Variants in DIS3L2 observed in about 807,000 individuals in gnomAD.
DIS3L2 encodes the protein DIS3-like exonuclease 2.
Under a neutral mutation model 97.5 loss-of-function variants are expected in DIS3L2, and 34 were observed. The ratio of observed to expected loss-of-function variants is 0.35; its 90% confidence interval spans 0.27 to 0.46. The LOEUF is 0.46. Ranked by LOEUF, DIS3L2 falls within the 20% of genes least tolerant of loss-of-function variation. DIS3L2 has a pLI of 1.00. For synonymous variants in DIS3L2, 435 were observed against 445.2 expected (o/e 0.98, Z 0.29); for missense variants, 1,038 against 1,146.0 (o/e 0.91, Z 1.36).
intron 5 of DIS3L2, among the ~76,000 whole-genome samples, chr2:232,073,904 A>G (rs1696109352): frequency 6.6e-6 from 1 of 152,218 alleles, no homozygotes; most frequent in African/African-American, 2.4e-5. Context: ...CGTAGACGAG[A>G]TTTCCAGCTT....
At position 232,300,033 on chromosome 2, in the gene DIS3L2, T is replaced by C. The variant is rs1553546465; in HGVS notation, c.1660-7T>C. 1 of 1,612,946 alleles carries C rather than the reference T, an allele frequency of 6.2e-7. No homozygotes were observed. The highest frequency in any genetic ancestry group is 1.1e-5 in the South Asian group (1 of 91,062). On this transcript the variant is annotated splice_region_variant and splice_polypyrimidine_tract_variant and intron_variant, in intron 13 of 20. Coordinates refer to ENST00000325385, the MANE Select transcript of DIS3L2 (RefSeq NM_152383.5). ...AAAACTTCTTTTTCTCTTCTCTCTC[T>C]CTTCAGCTAAAGCTTGCTTTCACTC...
chr2:231,995,212 T>C (rs1055563163), intron 1 of DIS3L2, among the ~76,000 whole-genome samples: 2 of 152,240 alleles, frequency 1.3e-5, no homozygotes, highest in Non-Finnish European at 2.9e-5. Context: ...TCTTTCCTTA[T>C]GTGCTTTGTA....
In DIS3L2 at chr2:232,195,762, G is replaced by A. The variant is rs181177391; in HGVS notation, c.1125-14564G>A. 9.2e-5 allele frequency among the ~76,000 whole-genome samples: 14 copies of A among 152,192 alleles called. No individual in the cohort carries two copies. The East Asian group carries it at 2.7e-3, about 29-fold the overall frequency. ...CCCCCACTCCCTGCCTTGAGCATGA[G>A]CCTTAGGTTTGATAATAATAATGTT... is the stretch of plus-strand genomic sequence containing the variant. On this transcript the variant is annotated intron_variant, in intron 9 of 20. Coordinates refer to ENST00000325385, the MANE Select transcript of DIS3L2 (RefSeq NM_152383.5).
At chr2:232,258,812 C>G (rs950197295) in intron 12 of DIS3L2, among the ~76,000 whole-genome samples, 4 of 152,144 alleles carry the variant, frequency 2.6e-5, no homozygotes, top group African/African-American at 9.7e-5. Flanking sequence ...AGAGGCCTGC[C>G]TTACATACTG....
intron 14 of DIS3L2, 122 bp downstream of exon 14, chr2:232,300,241 C>T (rs1694821116): frequency 1.2e-6 from 1 of 854,200 alleles, no homozygotes; most frequent in Admixed American, 2.3e-5. Flanking sequence ...CCTTTTACTA[C>T]TATACTAGAA....
At chr2:232,128,451 A>ATTTTTTTTTTTTTT (rs10682281) in intron 6 of DIS3L2, among the ~76,000 whole-genome samples, 10 of 71,694 alleles carry the variant, frequency 1.4e-4, no homozygotes, top group African/African-American at 5.9e-4. Context: ...AACTTTGCTA[A>ATTTTTTTTTTTTTT]TTTTTTTTTT....
At chr2:232,337,843 G>A (rs537857475), downstream of DIS3L2, among the ~76,000 whole-genome samples, 11 of 151,706 alleles carry the variant, frequency 7.3e-5, no homozygotes, top group South Asian at 8.3e-4. Flanking sequence ...TCCTGCCACC[G>A]TCAGACGGGG....
chr2:232,301,350 TAAG>T (rs58927469), intron 14 of DIS3L2, among the ~76,000 whole-genome samples: 1,719 of 152,302 alleles, frequency 0.011, 30 homozygotes, highest in African/African-American at 0.038. Flanking sequence ...ATCCTGGACT[TAAG>T]GAGAATGTAC....
chr2:232,218,955 G>A lies in DIS3L2; in HGVS notation c.1204+8550G>A, dbSNP rs992122402. Among the ~76,000 whole-genome samples, 6 of 152,252 alleles carry A rather than the reference G, an allele frequency of 3.9e-5. No individual in the cohort carries two copies. In the East Asian group the frequency reaches 5.8e-4, roughly 15 times the overall value. On this transcript the variant is annotated intron_variant, in intron 10 of 20. Coordinates refer to ENST00000325385, the MANE Select transcript of DIS3L2 (RefSeq NM_152383.5). ...CTCTCCTGCCACCCCACTTCCCAGCGCTGCTTCCCTTAACACACGCACAGT... is the reference window on the plus strand; with the variant it reads ...CTCTCCTGCCACCCCACTTCCCAGCACTGCTTCCCTTAACACACGCACAGT...
intron 12 of DIS3L2, among the ~76,000 whole-genome samples, chr2:232,259,318 T>C (rs1278784731): frequency 6.6e-6 from 1 of 150,870 alleles, no homozygotes; most frequent in Non-Finnish European, 1.5e-5. Flanking sequence ...AAAAAGGAGC[T>C]CAAATGAACT....
intron 5 of DIS3L2, among the ~76,000 whole-genome samples, chr2:232,051,539 G>A (rs1012837575): frequency 2.6e-5 from 4 of 152,090 alleles, no homozygotes; most frequent in African/African-American, 4.8e-5. Flanking sequence ...TCGGCTGGGC[G>A]CGGTGGCTCA....
chr2:232,263,344 C>T lies in DIS3L2; in HGVS notation c.1563C>T (p.Ser521=). Reference sequence around the variant, plus strand: ...TGCCCCCCATTTCCCCAGAGCATAGCAGCGAGGAGGTACACCAGGCCGTCT... The same window carrying T: ...TGCCCCCCATTTCCCCAGAGCATAGTAGCGAGGAGGTACACCAGGCCGTCT... The part of the protein sequence containing the change: ...KELPPISPEH[S]SEEVHQAVLN... The change falls in exon 13 of 21, where the codon AGC becomes AGT. Residue 521 remains serine (S), a synonymous_variant. Transcript: ENST00000325385. The T allele has an allele frequency of 6.2e-7, 1 of 1,614,196 alleles. No homozygotes were observed. The highest frequency in any genetic ancestry group is 1.3e-5 in the African/African-American group (1 of 75,056).
intron 5 of DIS3L2, among the ~76,000 whole-genome samples, chr2:232,079,735 C>T (rs1056961923): frequency 4.0e-5 from 6 of 151,378 alleles, no homozygotes; most frequent in African/African-American, 1.5e-4. Flanking sequence ...GATATTTGAG[C>T]AGAGACTTCA....
chr2:232,198,991 G>T (rs2106204704), intron 9 of DIS3L2, among the ~76,000 whole-genome samples: 1 of 152,188 alleles, frequency 6.6e-6, no homozygotes, highest in Middle Eastern at 3.4e-3. Context: ...ATGAATTTCA[G>T]CACTGTTTAT....
intron 8 of DIS3L2, among the ~76,000 whole-genome samples, chr2:232,137,097 A>G (rs1366638723): frequency 6.6e-6 from 1 of 152,200 alleles, no homozygotes; most frequent in Non-Finnish European, 1.5e-5. Flanking sequence ...AGGCATATTC[A>G]GGAGACCCCA....
chr2:232,341,120 G>T (rs1233001975), downstream of DIS3L2: 2 of 365,268 alleles, frequency 5.5e-6, no homozygotes, highest in African/African-American at 2.1e-5. Flanking sequence ...AGACAGGTGA[G>T]CTCTCAACAG....
At chr2:232,323,916 C>T (rs1016600519) in intron 14 of DIS3L2, among the ~76,000 whole-genome samples, 21 of 152,094 alleles carry the variant, frequency 1.4e-4, no homozygotes, top group Non-Finnish European at 2.4e-4. Flanking sequence ...CACTTTCCAG[C>T]TCCCAGGCAC....
At chr2:232,116,463 A>T (rs1044710437) in intron 6 of DIS3L2, among the ~76,000 whole-genome samples, 35 of 152,150 alleles carry the variant, frequency 2.3e-4, no homozygotes, top group African/African-American at 7.7e-4. Context: ...CTTGCCTACA[A>T]GTTCATCCTA....
intron 14 of DIS3L2, among the ~76,000 whole-genome samples, chr2:232,311,638 A>G (rs1021591940): frequency 1.3e-5 from 2 of 152,224 alleles, no homozygotes; most frequent in Admixed American, 1.3e-4. Context: ...TCCTCCCAAA[A>G]GGATACCACC....
Sources: gnomAD v4.1 joint callset for allele counts (sites outside exome capture counted in the v4.1 genomes callset) on GRCh38, gnomAD v4.1.1 for gene constraint, MANE v1.5 for transcripts, NCBI Gene and HGNC (gene_info 2026-07-23, HGNC 2026-07-21) for gene names.